The following SLC2A5 variants were observed in gnomAD, a reference collection of about 807,000 sequenced individuals.
SLC2A5 encodes solute carrier family 2, facilitated glucose transporter member 5.
A neutral mutation model predicts 50.3 loss-of-function variants in SLC2A5; 56 were observed. The observed-to-expected ratio is 1.11, with a 90% CI of 0.90 to 1.39. The LOEUF (loss-of-function observed/expected upper bound fraction) is 1.39, where lower values mean the gene tolerates loss of function less well. Ranked by LOEUF, SLC2A5 falls within the 40% of genes most tolerant of loss-of-function variation. SLC2A5 has a pLI of 0.00. For synonymous variants in SLC2A5, 269 were observed against 281.9 expected (o/e 0.95, Z 0.46); for missense variants, 566 against 650.1 (o/e 0.87, Z 1.41).
chr1:9,074,088 A>C (rs1018169775), upstream of SLC2A5, among the ~76,000 whole-genome samples: 2 of 90,880 alleles, frequency 2.2e-5, no homozygotes, highest in African/African-American at 7.3e-5. Flanking sequence ...TCCAAAAATT[A>C]AAAAAAAAAA....
rs1226084835 is a variant in SLC2A5, at chr1:9,037,919, C to T, written c.1280G>A (p.Gly427Asp). ...SVHWLSNFTVGLIFPFIQEGL... is the reference protein window; with the variant it reads ...SVHWLSNFTVDLIFPFIQEGL... ...CACCTGGATGAACGGGAAGATCAAGCCCACGGTGAAGTTGGAGAGCCAGTG... is the reference window on the plus strand; with the variant it reads ...CACCTGGATGAACGGGAAGATCAAGTCCACGGTGAAGTTGGAGAGCCAGTG... Residue 427 changes from glycine to aspartate, a missense_variant, in exon 11 of 12, where the codon GGC (glycine) becomes GAC (aspartate). Gly to Asp is a moderately conservative substitution (Grantham distance 94). Coordinates refer to ENST00000377424, the MANE Select transcript of SLC2A5 (RefSeq NM_003039.3). The T allele has an allele frequency of 6.2e-7, 1 of 1,613,950 alleles. No individual in the cohort carries two copies. Among genetic ancestry groups the T allele is most frequent in the South Asian group, 1.1e-5 (1 of 91,078 alleles).
At chr1:9,039,754 G>A (rs1322331811) in intron 7 of SLC2A5, 46 bp downstream of exon 7, 1 of 1,419,704 alleles carries the variant, frequency 7.0e-7, no homozygotes, top group Non-Finnish European at 9.2e-7. Context: ...TGCGCCCCGC[G>A]CCCCCCGAGC....
At chr1:9,068,437 C>A (rs1467362684) in intron 1 of SLC2A5, among the ~76,000 whole-genome samples, 1 of 140,710 alleles carries the variant, frequency 7.1e-6, no homozygotes, top group Non-Finnish European at 1.5e-5. Flanking sequence ...GCTTCTACTT[C>A]CCAGGCCCAC....
chr1:9,075,057 A>G (rs531860900), intron 2 of SLC2A5, among the ~76,000 whole-genome samples: 40 of 152,078 alleles, frequency 2.6e-4, no homozygotes, highest in Non-Finnish European at 4.4e-4. Context: ...GTGCTTTCCA[A>G]GCTTTCTGTG....
At chr1:9,054,358 G>A (rs1326098196) in intron 3 of SLC2A5, among the ~76,000 whole-genome samples, 2 of 152,180 alleles carry the variant, frequency 1.3e-5, no homozygotes, top group Non-Finnish European at 2.9e-5. Context: ...TCATGAGTGG[G>A]CAAGGTCAAC....
At chr1:9,060,619 CACCACACAT>C (rs2124423053) in intron 1 of SLC2A5, among the ~76,000 whole-genome samples, 1 of 139,774 alleles carries the variant, frequency 7.2e-6, no homozygotes, top group East Asian at 2.2e-4. Context: ...ACACCACACA[CACCACACAT>C]ACACACATAC....
At chr1:9,080,505 G>A (rs1310502780) in intron 2 of SLC2A5, among the ~76,000 whole-genome samples, 4 of 152,184 alleles carry the variant, frequency 2.6e-5, no homozygotes, top group East Asian at 1.9e-4. Context: ...TGCTGTTATC[G>A]TTGTTTTTGG....
At chr1:9,053,164 T>TAA (rs1342365317) in intron 3 of SLC2A5, among the ~76,000 whole-genome samples, 16 of 98,134 alleles carry the variant, frequency 1.6e-4, no homozygotes, top group East Asian at 7.6e-4. Flanking sequence ...TTTTATATAT[T>TAA]TATATATTTT....
At chr1:9,055,042 T>TA (rs889557185) in intron 3 of SLC2A5, among the ~76,000 whole-genome samples, 3 of 152,144 alleles carry the variant, frequency 2.0e-5, no homozygotes, top group African/African-American at 7.2e-5. Flanking sequence ...TATGTATGAT[T>TA]AAAAAAATAA....
chr1:9,062,889 A>G (rs934224250), intron 1 of SLC2A5, among the ~76,000 whole-genome samples: 2 of 142,056 alleles, frequency 1.4e-5, no homozygotes, highest in Non-Finnish European at 3.1e-5. Flanking sequence ...AAATAAATAA[A>G]TAAATAAATT....
intron 4 of SLC2A5, among the ~76,000 whole-genome samples, chr1:9,043,817 G>A (rs1641368190): frequency 1.3e-5 from 2 of 151,642 alleles, no homozygotes; most frequent in African/African-American, 2.4e-5. Flanking sequence ...TGCCTCCCAG[G>A]TTCAAGTGAT....
At chr1:9,093,406 C>T (rs975469656), upstream of SLC2A5, among the ~76,000 whole-genome samples, 1 of 152,198 alleles carries the variant, frequency 6.6e-6, no homozygotes, top group Non-Finnish European at 1.5e-5. Context: ...AACTTCCCTT[C>T]GCCTCACCCA....
intron 1 of SLC2A5, among the ~76,000 whole-genome samples, chr1:9,088,031 C>T (rs1042576577): frequency 3.9e-5 from 6 of 152,126 alleles, no homozygotes; most frequent in Non-Finnish European, 5.9e-5. Context: ...GCACCTTTGA[C>T]TTTCAAATTC....
intron 1 of SLC2A5, chr1:9,085,315 A>C (rs1036302781): frequency 2.6e-5 from 4 of 152,272 alleles, no homozygotes; most frequent in African/African-American, 9.6e-5. Context: ...AATCAAACAC[A>C]TTTAAGAAAT....
At chr1:9,081,822 C>G (rs1642356370) in intron 2 of SLC2A5, among the ~76,000 whole-genome samples, 1 of 152,126 alleles carries the variant, frequency 6.6e-6, no homozygotes. Context: ...TGGCTCACAT[C>G]TATAATTCCA....
Position 9,047,677 on chromosome 1 carries a change from T to A in SLC2A5, c.351A>T (p.Gly117=). 18 of 1,614,064 alleles carry A rather than the reference T, an allele frequency of 1.1e-5. No individual in the cohort carries two copies. Among genetic ancestry groups the A allele is most frequent in the Non-Finnish European group, 1.5e-5 (18 of 1,179,916 alleles). Residue 117 remains glycine (G), a synonymous_variant, in exon 4 of 12, where the codon GGA becomes GGT. Transcript: ENST00000377424. ...IFSIVPAILM[G]CSRVATSFEL... is the part of the protein sequence containing the mutation. ...CAAATGATGTGGCGACTCTGCTGCA[T>A]CCCATTAAGATCGCAGGCACGATAG... is the stretch of plus-strand genomic sequence containing the variant.
rs1290262374 is a variant in SLC2A5, at chr1:9,036,277, G to A, written c.*1309C>T. ...CAGCCTTGACCTCCCAGGCTCAAGC[G>A]ATCCTCCCATTTCAGCCTCCCAAAT... On this transcript the variant is annotated 3_prime_UTR_variant, in exon 12 of 12. Transcript: ENST00000377424. The A allele has an allele frequency of 6.6e-6, 1 of 152,160 alleles. No individual in the cohort carries two copies. The highest frequency in any genetic ancestry group is 2.1e-4 in the South Asian group (1 of 4,826). The allele number at this position is 152,160 out of a possible 1,614,324, so 9.4% of individuals were successfully genotyped here. A position where few individuals can be genotyped will look rare whatever the true frequency, so the allele number is the denominator to read the frequency against.
intron 3 of SLC2A5, among the ~76,000 whole-genome samples, chr1:9,051,849 G>A (rs1641585457): frequency 6.6e-6 from 1 of 152,152 alleles, no homozygotes; most frequent in Non-Finnish European, 1.5e-5. Context: ...GGATGTTTAC[G>A]GCAGCTTTAT....
intron 1 of SLC2A5, among the ~76,000 whole-genome samples, chr1:9,087,561 G>A (rs571511376): frequency 1.8e-4 from 28 of 152,202 alleles, no homozygotes; most frequent in Admixed American, 5.2e-4. Context: ...GGGTGTTGGC[G>A]GCAGAGGCTC....
Sources: allele counts gnomAD v4.1 joint callset (sites outside exome capture counted in the v4.1 genomes callset), GRCh38; gene constraint gnomAD v4.1.1; transcripts MANE v1.5; gene names NCBI Gene and HGNC (gene_info 2026-07-23, HGNC 2026-07-21).